Variants in CNPPD1 observed in about 807,000 individuals in gnomAD.
CNPPD1 encodes protein CNPPD1.
A neutral mutation model predicts 43.7 loss-of-function variants in CNPPD1; 40 were observed. The observed-to-expected ratio is 0.92, with a 90% CI of 0.71 to 1.19. The LOEUF is 1.19. Among genes scored for constraint, CNPPD1 ranks in the 50% most tolerant of loss-of-function variants. CNPPD1 has a pLI of 0.00. For missense variants in CNPPD1, 511 were observed against 518.5 expected (o/e 0.99, Z 0.14); for synonymous variants, 208 against 214.3 (o/e 0.97, Z 0.26).
At chr2:219,173,700 T>G (rs2106385787) in intron 6 of CNPPD1, among the ~76,000 whole-genome samples, 2 of 152,306 alleles carry the variant, frequency 1.3e-5, no homozygotes, top group Admixed American at 1.3e-4. Context: ...TGGAGTGCAG[T>G]AGTGCAATCA....
chr2:219,173,795 A>T (rs995676148), intron 6 of CNPPD1, among the ~76,000 whole-genome samples: 3 of 152,120 alleles, frequency 2.0e-5, no homozygotes, highest in African/African-American at 7.2e-5. Context: ...GGTGTACACC[A>T]CTGCATCTGG....
chr2:219,174,669 G>A, intron 5 of CNPPD1, 109 bp downstream of exon 5: 2 of 1,426,036 alleles, frequency 1.4e-6, no homozygotes, highest in Non-Finnish European at 1.9e-6. Flanking sequence ...GCAGGAGGAG[G>A]ACAGGAAGAG....
chr2:219,174,288 C>T, intron 5 of CNPPD1, 81 bp from the exon 6 acceptor site: 2 of 1,371,094 alleles, frequency 1.5e-6, no homozygotes, highest in South Asian at 1.2e-5. Flanking sequence ...GCAGCAACTA[C>T]AACCGCCCCT....
Position 219,175,082 on chromosome 2 carries a change from A to G in CNPPD1, c.287T>C (p.Met96Thr). 1.2e-6 allele frequency: 2 copies of G among 1,610,254 alleles called. No individual in the cohort carries two copies. Among genetic ancestry groups the G allele is most frequent in the Non-Finnish European group, 1.7e-6 (2 of 1,178,620 alleles). ...SREACISPCA[M>T]MLALVYIERL... ...TTCAATGTACACCAGAGCCAGCATCATAGCACATGGGGAGATGCATGCCTC... is the reference window on the plus strand; with the variant it reads ...TTCAATGTACACCAGAGCCAGCATCGTAGCACATGGGGAGATGCATGCCTC... Residue 96 changes from methionine to threonine, a missense_variant, in exon 4 of 8, where the codon ATG (methionine) becomes ACG (threonine). Transcript: ENST00000360507.
chr2:219,175,505 A>C, intron 3 of CNPPD1, 86 bp downstream of exon 3: 1 of 1,318,534 alleles, frequency 7.6e-7, no homozygotes, highest in Non-Finnish European at 1.1e-6. Flanking sequence ...AAAAAAAAAA[A>C]AAAGAAAGAA....
chr2:219,176,609 C>G (rs1950166896), intron 1 of CNPPD1, 151 bp downstream of exon 1: 1 of 670,016 alleles, frequency 1.5e-6, no homozygotes, highest in East Asian at 2.8e-5. Flanking sequence ...CCGCGGCTCT[C>G]CCTCCCGGCC....
At chr2:219,177,526 G>A (rs144678472), upstream of CNPPD1, among the ~76,000 whole-genome samples, 2 of 152,004 alleles carry the variant, frequency 1.3e-5, no homozygotes, top group Admixed American at 6.5e-5. Flanking sequence ...GGTGAACTAT[G>A]AAAAGGAAGA....
chr2:219,172,823 A>G lies in CNPPD1; in HGVS notation c.996T>C (p.Leu332=). The G allele has an allele frequency of 6.3e-7, 1 of 1,593,014 alleles. No individual in the cohort carries two copies. The highest frequency in any genetic ancestry group is 1.3e-5 in the African/African-American group (1 of 74,456). ...PPPDPPAPPT[L]LHNCHLCQKL... ...TCTGGCAAAGGTGGCAGTTATGAAG[A>G]AGAGTGGGAGGGGCAGGGGGGTCTG... Residue 332 remains leucine, a synonymous_variant, in exon 8 of 8, where the codon CTT becomes CTC. Transcript: ENST00000360507.
chr2:219,176,464 G>C (rs1407297713), intron 1 of CNPPD1, 133 bp from the exon 2 acceptor site: 2 of 691,594 alleles, frequency 2.9e-6, no homozygotes, highest in Non-Finnish European at 4.9e-6. Context: ...ACCCAGACCC[G>C]CGTTCTGTAA....
chr2:219,176,939 G>C, upstream of CNPPD1: 1 of 935,330 alleles, frequency 1.1e-6, no homozygotes, highest in Non-Finnish European at 1.6e-6. Flanking sequence ...TCCCCGGGGC[G>C]GGCCGCCGTC....
intron 4 of CNPPD1, 34 bp downstream of exon 4, chr2:219,174,954 G>A (rs757610594): frequency 6.2e-7 from 1 of 1,614,132 alleles, no homozygotes; most frequent in East Asian, 2.2e-5. Context: ...GCAGGCTCTT[G>A]GCTCTTTAGG....
At chr2:219,175,229 G>A (rs888579275) in intron 3 of CNPPD1, 121 bp from the exon 4 acceptor site, 12 of 1,286,570 alleles carry the variant, frequency 9.3e-6, no homozygotes, top group South Asian at 6.2e-5. Flanking sequence ...GGCTGGGCAC[G>A]GTGGCTCATG....
rs1223299260 is a variant in CNPPD1 at position 219,176,807 on chromosome 2, G to C, written c.22C>G (p.Leu8Val). 5 of 1,582,364 alleles carry C rather than the reference G, an allele frequency of 3.2e-6. No homozygotes were observed. The African/African-American group carries it at 6.7e-5, about 21-fold the overall frequency. Residue 8 changes from leucine to valine, a missense_variant, in exon 1 of 8, where the codon CTG becomes GTG. Leu to Val is a conservative substitution (Grantham distance 32). Transcript: ENST00000360507. ...AGGGAGAAGGTGCCTTCTTCGTCCA[G>C]CAGGAGCCCGGTCAGGTCCATCGCG... MDLTGLL[L>V]DEEGTFSLAG... is the part of the protein sequence containing the mutation.
Position 219,174,185 on chromosome 2 carries a change from G to C in CNPPD1, c.533C>G (p.Pro178Arg). Residue 178 changes from proline (P) to arginine (R), a missense_variant, in exon 6 of 8, where the codon CCT (proline) becomes CGT (arginine). Coordinates refer to ENST00000360507, the MANE Select transcript of CNPPD1 (RefSeq NM_015680.6). ...GCTCAGCACCTCAAAGATCTCCCGA[G>C]GGTCAGTGTAGAGATGCCAATCCTG... ...SAMDWHLYTD[P>R]REIFEVLSWL... 1 of 1,614,160 alleles carries C rather than the reference G, an allele frequency of 6.2e-7. No homozygotes were observed. Among genetic ancestry groups the C allele is most frequent in the Non-Finnish European group, 8.5e-7 (1 of 1,180,038 alleles).
Position 219,175,059 on chromosome 2 carries a change from C to T in CNPPD1, c.310G>A (p.Glu104Lys). Residue 104 changes from glutamate to lysine, a missense_variant, in exon 4 of 8, where the codon GAA becomes AAA. By Grantham distance (56) the Glu-to-Lys change is moderately conservative. Coordinates refer to ENST00000360507, the MANE Select transcript of CNPPD1 (RefSeq NM_015680.6). ...TCTGGGTTTCGGTGCCGGAGCCGTT[C>T]AATGTACACCAGAGCCAGCATCATA... is the stretch of plus-strand genomic sequence containing the variant. ...CAMMLALVYI[E>K]RLRHRNPDYL... is the part of the protein sequence containing the mutation. 1.2e-6 allele frequency: 2 copies of T among 1,612,902 alleles called. No individual in the cohort carries two copies. The highest frequency in any genetic ancestry group is 1.7e-6 in the Non-Finnish European group (2 of 1,179,744).
chr2:219,174,945 C>T, intron 4 of CNPPD1, 39 bp from the exon 5 acceptor site: 3 of 1,614,186 alleles, frequency 1.9e-6, no homozygotes, highest in Non-Finnish European at 2.5e-6. Flanking sequence ...GAGCTCATAG[C>T]AGGCTCTTGG....
rs1479449153 is a variant in CNPPD1 at position 219,173,410 on chromosome 2, C to T, written c.630G>A (p.Val210=). Reference sequence around the variant, plus strand: ...ACTGCCAGGTCGGCTGCTCCAGCAGCACACACAGGTCTGTGTAGGTGTACC... The same window carrying T: ...ACTGCCAGGTCGGCTGCTCCAGCAGTACACACAGGTCTGTGTAGGTGTACC... The part of the protein sequence containing the change: ...RGWYTYTDLC[V]LLEQPTWQLA... Residue 210 remains valine (V), a synonymous_variant, in exon 7 of 8, where the codon GTG becomes GTA. Transcript: ENST00000360507. The T allele has an allele frequency of 1.2e-6, 2 of 1,613,888 alleles. No homozygotes were observed. Among genetic ancestry groups the T allele is most frequent in the East Asian group, 2.2e-5 (1 of 44,882 alleles).
intron 3 of CNPPD1, 73 bp downstream of exon 3, chr2:219,175,518 A>T (rs549753775): frequency 4.5e-6 from 6 of 1,336,048 alleles, no homozygotes; most frequent in Non-Finnish European, 6.3e-6. Flanking sequence ...AGAAAGAAAG[A>T]AAAGAAAGAA....
At position 219,176,453 on chromosome 2, in the gene CNPPD1, T is replaced by C. The variant is rs1252668196; in HGVS notation, c.70-122A>G. 1.5e-5 allele frequency: 11 copies of C among 732,850 alleles called. No individual in the cohort carries two copies. In the Admixed American group the frequency reaches 2.0e-4, roughly 13 times the overall value. The allele number at this position is 732,850 out of a possible 1,614,324, so 45.4% of individuals were successfully genotyped here. A position where few individuals can be genotyped will look rare whatever the true frequency, so the allele number is the denominator to read the frequency against. ...CCTCGCTGCTAGGGGGCCCGTGCCT[T>C]ACCCAGACCCGCGTTCTGTAAATCG... On this transcript the variant is annotated intron_variant, in intron 1 of 7. Coordinates refer to ENST00000360507, the MANE Select transcript of CNPPD1 (RefSeq NM_015680.6).
Sources: allele counts gnomAD v4.1 joint callset (sites outside exome capture counted in the v4.1 genomes callset), GRCh38; gene constraint gnomAD v4.1.1; transcripts MANE v1.5; gene names NCBI Gene and HGNC (gene_info 2026-07-23, HGNC 2026-07-21).